Variants in PDE3B observed in about 807,000 individuals in gnomAD.
PDE3B encodes phosphodiesterase 3B, also known as cGMP-inhibited 3',5'-cyclic phosphodiesterase 3B.
Under a neutral mutation model 116.8 loss-of-function variants are expected in PDE3B, and 66 were observed. The observed-to-expected ratio is 0.56, with a 90% CI of 0.46 to 0.69. The LOEUF (loss-of-function observed/expected upper bound fraction) is 0.69. PDE3B is among the 30% of genes least tolerant of loss of function. The pLI, the probability that PDE3B is intolerant of heterozygous loss-of-function variation, is 0.00. For synonymous variants in PDE3B, 595 were observed against 533.6 expected, an observed-to-expected ratio of 1.12 and a Z score of -1.59; for missense variants, 1,384 against 1,368.1, an observed-to-expected ratio of 1.01 and a Z score of -0.18.
intron 1 of PDE3B, among the ~76,000 whole-genome samples, chr11:14,679,841 G>A (rs1167780427): frequency 6.6e-6 from 1 of 151,964 alleles, no homozygotes; most frequent in Non-Finnish European, 1.5e-5. Flanking sequence ...TTCACGGAAT[G>A]GAGCAAAGTC....
At chr11:14,733,663 AG>A (rs1412385007) in intron 1 of PDE3B, among the ~76,000 whole-genome samples, 1 of 152,214 alleles carries the variant, frequency 6.6e-6, no homozygotes, top group African/African-American at 2.4e-5. Flanking sequence ...GCTTTTGTAC[AG>A]GATCATTTTG....
the PDE3B span, among the ~76,000 whole-genome samples, chr11:14,884,688 T>G: frequency 6.6e-6 from 1 of 151,292 alleles, no homozygotes; most frequent in Admixed American, 6.6e-5. Context: ...TAATAATAAT[T>G]TAAAAAAATA....
intron 1 of PDE3B, among the ~76,000 whole-genome samples, chr11:14,691,835 C>T (rs1855048066): frequency 6.6e-6 from 1 of 152,172 alleles, no homozygotes; most frequent in Non-Finnish European, 1.5e-5. Flanking sequence ...AGGTAGGACA[C>T]TTATATGTTG....
the PDE3B span, chr11:14,887,620 T>C: frequency 2.9e-5 from 29 of 985,240 alleles, no homozygotes; most frequent in Non-Finnish European, 3.5e-5. Context: ...ACACAAAACA[T>C]TTTCCTTGCC....
the PDE3B span, among the ~76,000 whole-genome samples, chr11:14,892,601 A>G: frequency 8.5e-5 from 13 of 152,100 alleles, no homozygotes; most frequent in African/African-American, 3.1e-4. Flanking sequence ...TGCTTATTTC[A>G]TTTCACACTA....
intron 12 of PDE3B, among the ~76,000 whole-genome samples, chr11:14,847,975 C>G (rs1847649443): frequency 1.3e-5 from 2 of 152,162 alleles, no homozygotes; most frequent in Admixed American, 1.3e-4. Flanking sequence ...GGATTCCTCC[C>G]CAACTCATTT....
intron 1 of PDE3B, among the ~76,000 whole-genome samples, chr11:14,658,172 A>C (rs779325278): frequency 2.6e-5 from 4 of 152,142 alleles, no homozygotes; most frequent in African/African-American, 9.7e-5. Flanking sequence ...GTAAGTCACT[A>C]TCCTCCTTCT....
At chr11:14,835,170 G>C (rs915946583) in intron 11 of PDE3B, 75 bp downstream of exon 11, 2 of 898,622 alleles carry the variant, frequency 2.2e-6, no homozygotes, top group African/African-American at 1.7e-5. Flanking sequence ...CATTACCTCT[G>C]TTCTTTTAAG....
chr11:14,785,331 A>G (rs1326657666), intron 2 of PDE3B, among the ~76,000 whole-genome samples: 1 of 152,070 alleles, frequency 6.6e-6, no homozygotes, highest in Non-Finnish European at 1.5e-5. Context: ...ATGCCCTGGT[A>G]TCAGGAAATG....
At chr11:14,769,680 A>G (rs933232226) in intron 1 of PDE3B, among the ~76,000 whole-genome samples, 10 of 147,864 alleles carry the variant, frequency 6.8e-5, no homozygotes, top group African/African-American at 2.5e-4. Flanking sequence ...CATATATTAT[A>G]TATATGTTTC....
At chr11:14,891,919 G>A in the PDE3B span, 1 of 1,567,084 alleles carries the variant, frequency 6.4e-7, no homozygotes, top group African/African-American at 1.4e-5. Context: ...CAACCAGGAA[G>A]GCCCTGGCCA....
intron 1 of PDE3B, among the ~76,000 whole-genome samples, chr11:14,742,627 G>A (rs1436811567): frequency 6.6e-6 from 1 of 152,116 alleles, no homozygotes; most frequent in Non-Finnish European, 1.5e-5. Context: ...TCCCTTGCTG[G>A]TGAGGAGTTG....
intron 1 of PDE3B, among the ~76,000 whole-genome samples, chr11:14,657,036 G>T (rs1408662975): frequency 3.3e-5 from 5 of 152,142 alleles, no homozygotes; most frequent in Admixed American, 3.3e-4. Context: ...TAAAAGGGGG[G>T]TAATTTGGAT....
At chr11:14,687,938 T>C (rs1854922449) in intron 1 of PDE3B, among the ~76,000 whole-genome samples, 1 of 152,196 alleles carries the variant, frequency 6.6e-6, no homozygotes, top group African/African-American at 2.4e-5. Flanking sequence ...CTTTTCATTA[T>C]ATAGATTCAG....
intron 1 of PDE3B, among the ~76,000 whole-genome samples, chr11:14,725,302 T>C (rs1348576969): frequency 8.4e-6 from 1 of 119,312 alleles, no homozygotes; most frequent in East Asian, 2.3e-4. Context: ...TCTTTCTTTC[T>C]TTCTTTCTCT....
rs1859007250 is a variant in PDE3B at position 14,808,162 on chromosome 11, A to G, written c.1522+4112A>G. On this transcript the variant is annotated intron_variant, in intron 5 of 15. Transcript: ENST00000282096. ...CTTCTAGGAAACCATGCTTAAAAAT[A>G]TAATCAAAAACTTAAGAGAAAAAGC... 2.0e-5 allele frequency among the ~76,000 whole-genome samples: 3 copies of G among 152,208 alleles called. No homozygotes were observed. The South Asian group carries it at 6.2e-4, about 32-fold the overall frequency.
intron 1 of PDE3B, among the ~76,000 whole-genome samples, chr11:14,690,589 C>T: frequency 1.4e-5 from 2 of 141,344 alleles, no homozygotes; most frequent in Admixed American, 7.0e-5. Flanking sequence ...ACCTTTGTAT[C>T]TAATTTTGTA....
chr11:14,854,806 C>T (rs1263290083), intron 12 of PDE3B, among the ~76,000 whole-genome samples: 2 of 152,150 alleles, frequency 1.3e-5, no homozygotes, highest in African/African-American at 4.8e-5. Context: ...TGAGCCACCG[C>T]ACCCAGTTTA....
At chr11:14,849,260 G>T (rs925618664) in intron 12 of PDE3B, among the ~76,000 whole-genome samples, 8 of 152,008 alleles carry the variant, frequency 5.3e-5, no homozygotes, top group Non-Finnish European at 1.2e-4. Context: ...TTAATAAATG[G>T]TGCTGGGAAA....
Sources: allele counts gnomAD v4.1 joint callset (sites outside exome capture counted in the v4.1 genomes callset), GRCh38; gene constraint gnomAD v4.1.1; transcripts MANE v1.5; gene names NCBI Gene and HGNC (gene_info 2026-07-23, HGNC 2026-07-21).